CFAP46: variants seen among roughly 807,000 people sequenced by gnomAD.
CFAP46 encodes cilia and flagella associated protein 46, also known as cilia- and flagella-associated protein 46.
Under a neutral mutation model 325.7 loss-of-function variants are expected in CFAP46, and 245 were observed. That is an observed-to-expected ratio of 0.75 (90% confidence interval 0.68 to 0.84). The LOEUF is 0.84. Among genes scored for constraint, CFAP46 ranks in the 40% least tolerant of loss-of-function variants. The pLI is 0.00. For synonymous variants in CFAP46, 1,523 were observed against 1,495.9 expected (o/e 1.02, Z -0.42); for missense variants, 3,346 against 3,543.0 (o/e 0.94, Z 1.41).
Position 132,919,728 on chromosome 10 carries a change from C to G in CFAP46, c.1731-286G>C, listed in dbSNP as rs1849692485. 6.6e-6 allele frequency among the ~76,000 whole-genome samples: 1 copy of G among 152,042 alleles called. No homozygotes were observed. Among genetic ancestry groups the G allele is most frequent in the African/African-American group, 2.4e-5 (1 of 41,410 alleles). The stretch of plus-strand genomic sequence containing the variant: ...TCCCCGGGGGAGTGCACGGGACAGG[C>G]CTCCCGGGGATGGTACCGACCGCAG... On this transcript the variant is annotated intron_variant, in intron 14 of 57. Coordinates refer to ENST00000368586, the MANE Select transcript of CFAP46 (RefSeq NM_001200049.3). This position sits in a 1 kb window ranked among gnomAD's most constrained non-coding sequence, Gnocchi z 9.7.
At chr10:132,925,538 C>A (rs748402978) in intron 10 of CFAP46, among the ~76,000 whole-genome samples, 3 of 152,266 alleles carry the variant, frequency 2.0e-5, no homozygotes, top group Non-Finnish European at 4.4e-5. Flanking sequence ...CAACCCACAG[C>A]GCCACAGCCA....
At chr10:132,881,312 G>A (rs186804075) in intron 27 of CFAP46, among the ~76,000 whole-genome samples, 180 of 152,256 alleles carry the variant, frequency 1.2e-3, no homozygotes, top group African/African-American at 4.2e-3. Flanking sequence ...CCCTCCTGGG[G>A]ACTCCCGGGT....
At chr10:132,810,009 CT>C (rs1847546104) in intron 57 of CFAP46, among the ~76,000 whole-genome samples, 1 of 152,118 alleles carries the variant, frequency 6.6e-6, no homozygotes, top group African/African-American at 2.4e-5. Flanking sequence ...TGTCGGCCCC[CT>C]AGGAGTCCTT....
chr10:132,932,585 A>C, intron 8 of CFAP46, among the ~76,000 whole-genome samples: 3 of 140,986 alleles, frequency 2.1e-5, no homozygotes, highest in African/African-American at 5.3e-5. Flanking sequence ...CCCCACATAG[A>C]TCCTGCAGCT....
intron 13 of CFAP46, 92 bp downstream of exon 13, chr10:132,922,012 G>A: frequency 1.4e-6 from 2 of 1,423,936 alleles, no homozygotes. Flanking sequence ...GGCGGTGGCA[G>A]GGAGCATGGG....
intron 22 of CFAP46, among the ~76,000 whole-genome samples, chr10:132,903,950 G>A (rs555452699): frequency 6.6e-4 from 100 of 152,244 alleles, no homozygotes; most frequent in Middle Eastern, 3.4e-3. Context: ...GCATAAATGC[G>A]AAACTGATTT....
chr10:132,836,142 C>T lies in CFAP46; in HGVS notation c.6613G>A (p.Gly2205Ser). Residue 2205 changes from glycine to serine, a missense_variant and splice_region_variant, in exon 46 of 58, where the codon GGC becomes AGC. Coordinates refer to ENST00000368586, the MANE Select transcript of CFAP46 (RefSeq NM_001200049.3). ...AAKGKVQAVG[G>S]SCKVMRLAIS... ...CCCCCTCCCCTGCAGCCCTGCTCAC[C>T]TCCCACCGCCTGCACCTTTCCTTTG... The T allele has an allele frequency of 6.2e-7, 1 of 1,605,806 alleles. No individual in the cohort carries two copies. The highest frequency in any genetic ancestry group is 8.5e-7 in the Non-Finnish European group (1 of 1,178,554).
chr10:132,912,811 C>G lies in CFAP46; in HGVS notation c.2343G>C (p.Val781=). The G allele has an allele frequency of 6.5e-7, 1 of 1,548,862 alleles. No individual in the cohort carries two copies. The highest frequency in any genetic ancestry group is 8.7e-7 in the Non-Finnish European group (1 of 1,146,578). ...VKATGHSGDP[V]MLVTLCNTLA... is the part of the protein sequence containing the mutation. Reference sequence around the variant, plus strand: ...AGGTGTTGCAGAGCGTCACCAGCATCACGGGGTCCCTGGGAGACATGCTTG... The same window carrying G: ...AGGTGTTGCAGAGCGTCACCAGCATGACGGGGTCCCTGGGAGACATGCTTG... Residue 781 remains valine, a synonymous_variant, in exon 19 of 58, where the codon GTG becomes GTC. Coordinates refer to ENST00000368586, the MANE Select transcript of CFAP46 (RefSeq NM_001200049.3).
intron 17 of CFAP46, among the ~76,000 whole-genome samples, chr10:132,915,399 A>C (rs1316875980): frequency 6.6e-6 from 1 of 152,272 alleles, no homozygotes; most frequent in Non-Finnish European, 1.5e-5. Flanking sequence ...AGGGATCCCA[A>C]GAGGCCAAGA....
Position 132,879,548 on chromosome 10 carries a change from C to T in CFAP46, c.3883G>A (p.Val1295Met), listed in dbSNP as rs572423133. The T allele has an allele frequency of 5.2e-5, 81 of 1,547,404 alleles. No homozygotes were observed. The East Asian group carries it at 1.0e-3, about 19-fold the overall frequency. Reference sequence around the variant, plus strand: ...CGGGCCAGCGCCTCCAGCTGCCGCACGCTACGCAGCTGCTCCAAGGACACC... The same window carrying T: ...CGGGCCAGCGCCTCCAGCTGCCGCATGCTACGCAGCTGCTCCAAGGACACC... ...EAVSLEQLRS[V>M]RQLEALARVH... The change falls in exon 29 of 58, where the codon GTG becomes ATG. Residue 1295 changes from valine (V) to methionine (M), a missense_variant. Val to Met is a conservative substitution (Grantham distance 21). Coordinates refer to ENST00000368586, the MANE Select transcript of CFAP46 (RefSeq NM_001200049.3).
intron 35 of CFAP46, among the ~76,000 whole-genome samples, chr10:132,862,012 C>T (rs769982082): frequency 2.6e-5 from 4 of 152,244 alleles, no homozygotes; most frequent in South Asian, 2.1e-4. Flanking sequence ...TGCCCCTGCC[C>T]GACACAGGAT....
chr10:132,876,784 C>G lies in CFAP46; in HGVS notation c.4362+28G>C. Reference sequence around the variant, plus strand: ...GGGGACACCATGCTGTGACCAAGGTCTTGAGCCTTTTCTTTATGTCAACGT... The same window carrying G: ...GGGGACACCATGCTGTGACCAAGGTGTTGAGCCTTTTCTTTATGTCAACGT... On this transcript the variant is annotated intron_variant, in intron 31 of 57. Coordinates refer to ENST00000368586, the MANE Select transcript of CFAP46 (RefSeq NM_001200049.3). This position sits in a 1 kb window ranked among gnomAD's most constrained non-coding sequence, Gnocchi z 4.1. 6.5e-7 allele frequency: 1 copy of G among 1,543,302 alleles called. No individual in the cohort carries two copies. The highest frequency in any genetic ancestry group is 8.7e-7 in the Non-Finnish European group (1 of 1,144,428).
At chr10:132,855,802 A>C (rs1012559264) in intron 39 of CFAP46, among the ~76,000 whole-genome samples, 8 of 152,190 alleles carry the variant, frequency 5.3e-5, no homozygotes, top group African/African-American at 1.9e-4. Flanking sequence ...GTTGTCGTAC[A>C]TTTTTACATG....
chr10:132,916,527 G>A (rs1849641389), intron 17 of CFAP46, 22 bp downstream of exon 17: 4 of 1,544,052 alleles, frequency 2.6e-6, no homozygotes, highest in Non-Finnish European at 3.5e-6. Flanking sequence ...CGGTGCTCAA[G>A]GCCACTGTCG....
chr10:132,885,824 C>T lies in CFAP46; in HGVS notation c.3440G>A (p.Arg1147His), dbSNP rs532394355. 46 of 1,519,628 alleles carry T rather than the reference C, an allele frequency of 3.0e-5. No individual in the cohort carries two copies. Among genetic ancestry groups the T allele is most frequent in the African/African-American group, 2.5e-4 (18 of 72,148 alleles). The allele number at this position is 1,519,628 out of a possible 1,614,324, so 94.1% of individuals were successfully genotyped here. Reference sequence around the variant, plus strand: ...AGGCGGTGGGGGGAGCACTCACAGGCGGTGGGCCGTCCTTGGCAGCACCTG... The same window carrying T: ...AGGCGGTGGGGGGAGCACTCACAGGTGGTGGGCCGTCCTTGGCAGCACCTG... Reference protein sequence around the residue: ...AVQVLPRTAHRLLIFKHMVIV... With the variant: ...AVQVLPRTAHHLLIFKHMVIV... The change falls in exon 26 of 58, where the codon CGC (arginine) becomes CAC (histidine). Residue 1147 changes from arginine (R) to histidine (H), a missense_variant. Coordinates refer to ENST00000368586, the MANE Select transcript of CFAP46 (RefSeq NM_001200049.3).
intron 34 of CFAP46, 60 bp downstream of exon 34, chr10:132,867,315 C>A: frequency 6.6e-7 from 1 of 1,524,676 alleles, no homozygotes. Context: ...CCCTGCATGG[C>A]CACGAGGCAC....
intron 28 of CFAP46, among the ~76,000 whole-genome samples, chr10:132,880,116 G>T (rs1418185929): frequency 1.4e-5 from 2 of 143,480 alleles, no homozygotes; most frequent in African/African-American, 5.9e-5. Flanking sequence ...GTGTGTGCAT[G>T]TATGTGTGTG....
In CFAP46 at chr10:132,942,481, C is replaced by T. The variant is rs1043396430; in HGVS notation, c.4G>A (p.Asp2Asn). The T allele has an allele frequency of 1.8e-5, 23 of 1,286,924 alleles. No homozygotes were observed. In the South Asian group the frequency reaches 4.8e-4, roughly 27 times the overall value. The allele number at this position is 1,286,924 out of a possible 1,614,324, so 79.7% of individuals were successfully genotyped here. A position where few individuals can be genotyped will look rare whatever the true frequency, so the allele number is the denominator to read the frequency against. Residue 2 changes from aspartate (D) to asparagine (N), a missense_variant, in exon 1 of 58, where the codon GAC becomes AAC. Asp to Asn is a conservative substitution (Grantham distance 23). Coordinates refer to ENST00000368586, the MANE Select transcript of CFAP46 (RefSeq NM_001200049.3). ...GCCAGCTCCTGCGTGATGACCAGGTCCATGGCGCCGGCGCCCTGCTCGTCC... is the reference window on the plus strand; with the variant it reads ...GCCAGCTCCTGCGTGATGACCAGGTTCATGGCGCCGGCGCCCTGCTCGTCC... M[D>N]LVITQELARA...
chr10:132,838,602 G>A (rs1848303642), intron 44 of CFAP46, among the ~76,000 whole-genome samples: 1 of 152,264 alleles, frequency 6.6e-6, no homozygotes, highest in African/African-American at 2.4e-5. Context: ...TGCCACAGCT[G>A]GTAATGCCAC....
Sources: gnomAD v4.1 joint callset for allele counts (sites outside exome capture counted in the v4.1 genomes callset) on GRCh38, gnomAD v4.1.1 for gene constraint, Gnocchi (gnomAD v3.1) non-coding constraint, MANE v1.5 for transcripts, NCBI Gene and HGNC (gene_info 2026-07-23, HGNC 2026-07-21) for gene names.